The following NDUFS4 variants were observed in gnomAD, a reference collection of about 807,000 sequenced individuals.
NDUFS4 encodes NADH:ubiquinone oxidoreductase subunit S4.
Under a neutral mutation model 24.3 loss-of-function variants are expected in NDUFS4, and 28 were observed. That is an observed-to-expected ratio of 1.15 (90% CI 0.85 to 1.58). The LOEUF is 1.58. Among genes scored for constraint, NDUFS4 ranks in the 40% most tolerant of loss-of-function variants. The pLI is 0.00. For synonymous variants in NDUFS4, 93 were observed against 69.7 expected (o/e 1.34, Z -1.67); for missense variants, 223 against 207.9 (o/e 1.07, Z -0.45).
chr5:53,663,946 ATC>A (rs1425245441), intron 4 of NDUFS4, among the ~76,000 whole-genome samples: 3 of 151,838 alleles, frequency 2.0e-5, no homozygotes, highest in African/African-American at 2.4e-5. Flanking sequence ...TTTACAATTT[ATC>A]ATGTGTTTGC....
At chr5:53,631,243 C>G (rs1318311533) in intron 2 of NDUFS4, among the ~76,000 whole-genome samples, 2 of 152,148 alleles carry the variant, frequency 1.3e-5, no homozygotes, top group African/African-American at 2.4e-5. Context: ...ACTACCTGAT[C>G]CTTCCTCTGG....
intron 3 of NDUFS4, among the ~76,000 whole-genome samples, chr5:53,651,938 A>AT (rs1423116715): frequency 4.6e-5 from 7 of 151,542 alleles, no homozygotes; most frequent in East Asian, 1.9e-4. Flanking sequence ...CGCCCGGCTA[A>AT]TTTTTTTTGT....
intron 2 of NDUFS4, among the ~76,000 whole-genome samples, chr5:53,630,999 TC>T (rs1297266373): frequency 1.3e-5 from 2 of 152,222 alleles, no homozygotes; most frequent in Non-Finnish European, 2.9e-5. Flanking sequence ...TGCACTGGTT[TC>T]TCCCCACCTT....
At chr5:53,592,307 T>C (rs1036025440) in intron 1 of NDUFS4, among the ~76,000 whole-genome samples, 3 of 152,200 alleles carry the variant, frequency 2.0e-5, no homozygotes, top group African/African-American at 4.8e-5. Context: ...TAATCAGATA[T>C]ATAGTTTGCA....
rs150864867 is a variant in NDUFS4 at position 53,629,137 on chromosome 5, C to T, written c.178-17096C>T. On this transcript the variant is annotated intron_variant, in intron 2 of 4. Transcript: ENST00000296684. ...ATTTCTGCCTTCATTTTGTTATTTACCCAGTAGTCATTCAGGAGGAGGTTG... is the reference window on the plus strand; with the variant it reads ...ATTTCTGCCTTCATTTTGTTATTTATCCAGTAGTCATTCAGGAGGAGGTTG... 8.0e-3 allele frequency among the ~76,000 whole-genome samples: 1,211 copies of T among 152,228 alleles called. 52 individuals are homozygous for T. The highest frequency in any genetic ancestry group is 0.056 in the Admixed American group (851 of 15,294).
intron 3 of NDUFS4, among the ~76,000 whole-genome samples, chr5:53,655,107 C>T (rs759014927): frequency 2.6e-5 from 4 of 152,064 alleles, no homozygotes; most frequent in Non-Finnish European, 5.9e-5. Flanking sequence ...GAAATGTGTA[C>T]AACGTATTAT....
chr5:53,586,294 A>G (rs569296187), intron 1 of NDUFS4, among the ~76,000 whole-genome samples: 18 of 150,404 alleles, frequency 1.2e-4, no homozygotes, highest in Middle Eastern at 3.4e-3. Context: ...ACGCCATTGT[A>G]CTTAAGCCTG....
chr5:53,593,417 C>T (rs1450497815), intron 1 of NDUFS4, among the ~76,000 whole-genome samples: 1 of 151,636 alleles, frequency 6.6e-6, no homozygotes, highest in African/African-American at 2.4e-5. Context: ...CTCTCTCTCT[C>T]TCTCTCTCAT....
chr5:53,662,067 C>G (rs1302789992), intron 4 of NDUFS4, among the ~76,000 whole-genome samples: 1 of 152,146 alleles, frequency 6.6e-6, no homozygotes, highest in African/African-American at 2.4e-5. Flanking sequence ...GCATCCCTGT[C>G]TTGTGCCAGT....
intron 4 of NDUFS4, among the ~76,000 whole-genome samples, chr5:53,666,476 A>T (rs1183140777): frequency 2.0e-5 from 3 of 152,230 alleles, no homozygotes; most frequent in Non-Finnish European, 4.4e-5. Context: ...CCTTGTGGTT[A>T]GTGACATAAA....
intron 1 of NDUFS4, among the ~76,000 whole-genome samples, chr5:53,578,178 T>A (rs545833119): frequency 1.3e-5 from 2 of 152,342 alleles, no homozygotes; most frequent in South Asian, 4.1e-4. Flanking sequence ...AGATTCTTCT[T>A]TCCTTAGTTG....
intron 2 of NDUFS4, among the ~76,000 whole-genome samples, chr5:53,618,381 GAATTAT>G (rs146692779): frequency 0.092 from 14,057 of 152,106 alleles, 770 homozygotes; most frequent in Middle Eastern, 0.13. Context: ...AAGCAAGCTG[GAATTAT>G]AATTATTATT....
At chr5:53,670,478 T>C (rs1752633572) in intron 4 of NDUFS4, among the ~76,000 whole-genome samples, 1 of 152,000 alleles carries the variant, frequency 6.6e-6, no homozygotes, top group Non-Finnish European at 1.5e-5. Flanking sequence ...AGTGATAACC[T>C]AGAAACACTG....
intron 4 of NDUFS4, among the ~76,000 whole-genome samples, chr5:53,665,214 C>T (rs574015119): frequency 5.1e-4 from 77 of 152,262 alleles, no homozygotes; most frequent in Middle Eastern, 3.4e-3. Context: ...AGTACCTGGC[C>T]GTGTGAGGTG....
chr5:53,607,987 T>TTTA (rs1750581241), intron 2 of NDUFS4, among the ~76,000 whole-genome samples: 1 of 152,198 alleles, frequency 6.6e-6, no homozygotes, highest in Non-Finnish European at 1.5e-5. Flanking sequence ...TAAATTTATA[T>TTTA]TGTTTTCTTC....
chr5:53,639,968 T>G (rs527679767), intron 2 of NDUFS4, among the ~76,000 whole-genome samples: 7 of 152,272 alleles, frequency 4.6e-5, no homozygotes, highest in African/African-American at 1.2e-4. Context: ...ATTTTTCTTA[T>G]GGAGGCTGTG....
At chr5:53,573,592 A>G (rs770417527) in intron 1 of NDUFS4, 2 of 451,094 alleles carry the variant, frequency 4.4e-6, no homozygotes, top group African/African-American at 2.0e-5. Flanking sequence ...TCTTTTCTTT[A>G]TTTTTTATTT....
At chr5:53,628,500 C>T (rs138223852) in intron 2 of NDUFS4, among the ~76,000 whole-genome samples, 2,030 of 152,286 alleles carry the variant, frequency 0.013, 23 homozygotes, top group Non-Finnish European at 0.02. Flanking sequence ...GGCTATGAAT[C>T]TGTCTGGTTC....
chr5:53,651,877 A>G (rs1053694525), intron 3 of NDUFS4, among the ~76,000 whole-genome samples: 3 of 148,388 alleles, frequency 2.0e-5, no homozygotes, highest in African/African-American at 7.5e-5. Context: ...GGTTCATGCC[A>G]TTCTTCTGCC....
Sources: gnomAD v4.1 joint callset for allele counts (sites outside exome capture counted in the v4.1 genomes callset) on GRCh38, gnomAD v4.1.1 for gene constraint, MANE v1.5 for transcripts, NCBI Gene and HGNC (gene_info 2026-07-23, HGNC 2026-07-21) for gene names.